The following RABL3 variants were observed in gnomAD, a reference collection of about 807,000 sequenced individuals.
RABL3 encodes the protein rab-like protein 3.
A neutral mutation model predicts 31.8 loss-of-function variants in RABL3; 31 were observed. That is an observed-to-expected ratio of 0.97 (90% confidence interval 0.73 to 1.31). The LOEUF is 1.31. Ranked by LOEUF, RABL3 falls within the 40% of genes most tolerant of loss-of-function variation. The probability of loss-of-function intolerance (pLI) is 0.00; values close to 1 mark genes in which losing one functional copy is unlikely to be tolerated. For synonymous variants in RABL3, 97 were observed against 99.9 expected (o/e 0.97, Z 0.18); for missense variants, 263 against 279.6 (o/e 0.94, Z 0.42).
At chr3:120,726,717 C>T (rs549739363) in intron 2 of RABL3, among the ~76,000 whole-genome samples, 12 of 151,500 alleles carry the variant, frequency 7.9e-5, no homozygotes, top group African/African-American at 2.2e-4. Context: ...GCACTCCAGC[C>T]GGAGCAACAG....
chr3:120,731,525 G>GTTATTCATT (rs1323896901), intron 1 of RABL3, among the ~76,000 whole-genome samples: 13 of 152,242 alleles, frequency 8.5e-5, no homozygotes, highest in African/African-American at 3.1e-4. Context: ...TCTAAGGGTA[G>GTTATTCATT]CATTGAGAGA....
chr3:120,739,679 A>G (rs2107600550), intron 1 of RABL3, among the ~76,000 whole-genome samples: 1 of 152,268 alleles, frequency 6.6e-6, no homozygotes, highest in African/African-American at 2.4e-5. Flanking sequence ...TTAAATACTC[A>G]AAATTATATT....
intron 2 of RABL3, among the ~76,000 whole-genome samples, chr3:120,719,397 G>C (rs543943787): frequency 6.6e-5 from 10 of 152,220 alleles, no homozygotes; most frequent in South Asian, 6.2e-4. Flanking sequence ...GAAGCAAGGC[G>C]AGGCATCGCC....
chr3:120,714,002 G>A (rs887241187), intron 2 of RABL3, among the ~76,000 whole-genome samples: 1 of 151,992 alleles, frequency 6.6e-6, no homozygotes, highest in Non-Finnish European at 1.5e-5. Flanking sequence ...AGTAGAAATG[G>A]GGTTTCACCA....
At chr3:120,733,281 T>C (rs1230323311) in intron 1 of RABL3, among the ~76,000 whole-genome samples, 1 of 152,174 alleles carries the variant, frequency 6.6e-6, no homozygotes, top group East Asian at 1.9e-4. Context: ...GGTACCTCAT[T>C]GTGGTTTTGA....
chr3:120,713,631 A>T (rs1708635533), intron 2 of RABL3, among the ~76,000 whole-genome samples: 1 of 152,216 alleles, frequency 6.6e-6, no homozygotes, highest in Admixed American at 6.5e-5. Flanking sequence ...TTTCTTAACA[A>T]TAAAGGAAGC....
chr3:120,739,300 C>T (rs1709012579), intron 1 of RABL3, among the ~76,000 whole-genome samples: 1 of 151,746 alleles, frequency 6.6e-6, no homozygotes, highest in African/African-American at 2.4e-5. Context: ...TCACTTGAAC[C>T]CAGGAGGCAG....
intron 1 of RABL3, among the ~76,000 whole-genome samples, chr3:120,740,358 C>A (rs1452475328): frequency 2.0e-5 from 3 of 152,164 alleles, no homozygotes; most frequent in Non-Finnish European, 4.4e-5. Context: ...AATTCCTGGG[C>A]TCAAGTGATC....
intron 4 of RABL3, 113 bp from the exon 5 acceptor site, chr3:120,698,686 T>A: frequency 1.1e-6 from 1 of 882,496 alleles, no homozygotes; most frequent in Non-Finnish European, 1.7e-6. Context: ...TGATTTTTGC[T>A]GCCTTCACCT....
At chr3:120,705,381 G>A (rs1475793267) in intron 4 of RABL3, among the ~76,000 whole-genome samples, 3 of 152,120 alleles carry the variant, frequency 2.0e-5, no homozygotes, top group Non-Finnish European at 2.9e-5. Context: ...AAAGTAGAAG[G>A]AATCATACTG....
chr3:120,717,114 GGC>G (rs1489836404), intron 2 of RABL3, among the ~76,000 whole-genome samples: 1 of 152,032 alleles, frequency 6.6e-6, no homozygotes, highest in Non-Finnish European at 1.5e-5. Flanking sequence ...AATTTAGCCA[GGC>G]GTGGTGGTGG....
intron 1 of RABL3, among the ~76,000 whole-genome samples, chr3:120,733,008 T>G (rs1708906082): frequency 6.6e-6 from 1 of 152,184 alleles, no homozygotes; most frequent in South Asian, 2.1e-4. Context: ...TTGTGAATAG[T>G]GCTGCAGTAA....
chr3:120,706,060 C>T lies in RABL3; in HGVS notation c.323G>A (p.Arg108His), dbSNP rs114847372. Residue 108 changes from arginine (R) to histidine (H), a missense_variant, in exon 4 of 8, where the codon CGT becomes CAT. Arg to His is a conservative substitution (Grantham distance 29). Transcript: ENST00000273375. Reference protein sequence around the residue: ...TNKKSSQNLRRWSLEALNRDL... With the variant: ...TNKKSSQNLRHWSLEALNRDL... ...CCTGTTGAGAGCTTCCAATGACCAA[C>T]GACGCAAGTTTTGGGAGGACTTCTT... 14 of 1,613,934 alleles carry T rather than the reference C, an allele frequency of 8.7e-6. No homozygotes were observed. The highest frequency in any genetic ancestry group is 3.3e-4 in the Middle Eastern group (2 of 6,058).
chr3:120,723,578 C>T (rs991077385), intron 2 of RABL3, among the ~76,000 whole-genome samples: 5 of 152,126 alleles, frequency 3.3e-5, no homozygotes, highest in African/African-American at 4.8e-5. Context: ...AATCCAGCAG[C>T]ACATCAAAAA....
intron 2 of RABL3, among the ~76,000 whole-genome samples, chr3:120,720,836 G>A (rs1411760765): frequency 6.6e-6 from 1 of 152,062 alleles, no homozygotes; most frequent in East Asian, 1.9e-4. Flanking sequence ...TACAGAGAAC[G>A]CCACAAAGAG....
chr3:120,698,467 T>G lies in RABL3; in HGVS notation c.490A>C (p.Thr164Pro). ...TTGAAATCCTCAGCCAGGAAAGCAG[T>G]CCTAGTTAAAACTTCATGGCGCTTT... ...ETKRHEVLTR[T>P]AFLAEDFNPE... The change falls in exon 5 of 8, where the codon ACT becomes CCT. Residue 164 changes from threonine (T) to proline (P), a missense_variant. Transcript: ENST00000273375. 1 of 1,614,016 alleles carries G rather than the reference T, an allele frequency of 6.2e-7. No individual in the cohort carries two copies. The highest frequency in any genetic ancestry group is 8.5e-7 in the Non-Finnish European group (1 of 1,179,944).
chr3:120,720,039 T>C (rs1048034538), intron 2 of RABL3, among the ~76,000 whole-genome samples: 1 of 152,210 alleles, frequency 6.6e-6, no homozygotes, highest in African/African-American at 2.4e-5. Context: ...ATATCCGCCA[T>C]TCTATAGCCT....
At chr3:120,726,190 A>G (rs150579489) in intron 2 of RABL3, among the ~76,000 whole-genome samples, 380 of 152,254 alleles carry the variant, frequency 2.5e-3, no homozygotes, top group Middle Eastern at 0.01. Context: ...TGCTTTTTCA[A>G]GACAGGTAGA....
intron 3 of RABL3, among the ~76,000 whole-genome samples, chr3:120,706,669 C>A (rs1168625549): frequency 6.8e-6 from 1 of 148,082 alleles, no homozygotes; most frequent in Non-Finnish European, 1.5e-5. Flanking sequence ...TGAGACTAAT[C>A]TATTCAAATG....
Sources: allele counts gnomAD v4.1 joint callset (sites outside exome capture counted in the v4.1 genomes callset), GRCh38; gene constraint gnomAD v4.1.1; transcripts MANE v1.5; gene names NCBI Gene and HGNC (gene_info 2026-07-23, HGNC 2026-07-21).